ZNF804A: variants seen among roughly 807,000 people sequenced by gnomAD.
ZNF804A encodes the protein zinc finger protein 804A.
In ZNF804A, 2 loss-of-function variants were observed where a neutral mutation model predicts 16.5. The ratio of observed to expected loss-of-function variants is 0.12; its 90% CI spans 0.05 to 0.38. The LOEUF (loss-of-function observed/expected upper bound fraction) is 0.38, where lower values mean the gene tolerates loss of function less well. ZNF804A is among the 10% of genes least tolerant of loss of function. The pLI, the probability that ZNF804A is intolerant of heterozygous loss-of-function variation, is 0.99. For missense variants in ZNF804A, 1,473 were observed against 1,390.7 expected (o/e 1.06, Z -0.94); for synonymous variants, 534 against 489.6 (o/e 1.09, Z -1.20).
At chr2:184,653,822 C>T (rs1325558795) in intron 1 of ZNF804A, among the ~76,000 whole-genome samples, 1 of 152,192 alleles carries the variant, frequency 6.6e-6, no homozygotes, top group African/African-American at 2.4e-5. Flanking sequence ...TGTCCATGCC[C>T]ATTGGCCCCA....
chr2:184,762,968 A>G lies in ZNF804A; in HGVS notation c.112-103401A>G, dbSNP rs181960582. On this transcript the variant is annotated intron_variant, in intron 1 of 3. Transcript: ENST00000302277. ...AGTCTTAAAGCTTTTGGCCTCTTTT[A>G]AATCACAAATGTTATTTCTAGCCAT... is the stretch of plus-strand genomic sequence containing the variant. Among the ~76,000 whole-genome samples, 7 of 152,328 alleles carry G rather than the reference A, an allele frequency of 4.6e-5. No individual in the cohort carries two copies. In the East Asian group the frequency reaches 1.4e-3, roughly 29 times the overall value.
At chr2:184,842,237 A>T (rs1358113053) in intron 1 of ZNF804A, among the ~76,000 whole-genome samples, 7 of 152,148 alleles carry the variant, frequency 4.6e-5, no homozygotes. Flanking sequence ...TCCCATTTGG[A>T]GTTCAAGACA....
At chr2:184,929,932 G>T (rs1293424319) in intron 2 of ZNF804A, among the ~76,000 whole-genome samples, 1 of 152,024 alleles carries the variant, frequency 6.6e-6, no homozygotes, top group Non-Finnish European at 1.5e-5. Flanking sequence ...TTCACACATG[G>T]CACTGTAAGA....
At chr2:184,678,028 G>C (rs1692468549) in intron 1 of ZNF804A, among the ~76,000 whole-genome samples, 1 of 151,792 alleles carries the variant, frequency 6.6e-6, no homozygotes, top group South Asian at 2.1e-4. Flanking sequence ...TGAAGATCTG[G>C]ATATTTATTT....
intron 1 of ZNF804A, among the ~76,000 whole-genome samples, chr2:184,829,860 G>A (rs1451778059): frequency 1.6e-5 from 2 of 123,360 alleles, no homozygotes; most frequent in Admixed American, 2.2e-4. Flanking sequence ...CCAGGAGTTC[G>A]AGATCAACCA....
At chr2:184,903,805 C>T (rs533291627) in intron 2 of ZNF804A, among the ~76,000 whole-genome samples, 17 of 152,178 alleles carry the variant, frequency 1.1e-4, no homozygotes, top group African/African-American at 4.1e-4. Flanking sequence ...GTAGCCACCA[C>T]GATTTATGCT....
At chr2:184,792,770 C>CTT (rs543811861) in intron 1 of ZNF804A, among the ~76,000 whole-genome samples, 230 of 151,056 alleles carry the variant, frequency 1.5e-3, no homozygotes, top group African/African-American at 5.2e-3. Context: ...AGGAGTTTTT[C>CTT]TTTTTTTTTC....
chr2:184,677,753 T>C (rs766941390), intron 1 of ZNF804A, among the ~76,000 whole-genome samples: 2 of 152,164 alleles, frequency 1.3e-5, no homozygotes, highest in Non-Finnish European at 1.5e-5. Context: ...AGAAAGCACA[T>C]TGCAGTGGGA....
At chr2:184,852,810 T>C (rs768094150) in intron 1 of ZNF804A, among the ~76,000 whole-genome samples, 15 of 148,224 alleles carry the variant, frequency 1.0e-4, no homozygotes, top group Non-Finnish European at 2.0e-4. Context: ...GGTCTATGTG[T>C]CTTTTATAAT....
At chr2:184,918,492 A>T (rs1347664755) in intron 2 of ZNF804A, among the ~76,000 whole-genome samples, 1 of 152,172 alleles carries the variant, frequency 6.6e-6, no homozygotes, top group East Asian at 1.9e-4. Context: ...TAAGGAAAAC[A>T]TCATCATATA....
chr2:184,831,632 T>G (rs1695263295), intron 1 of ZNF804A, among the ~76,000 whole-genome samples: 1 of 151,938 alleles, frequency 6.6e-6, no homozygotes, highest in Non-Finnish European at 1.5e-5. Context: ...GCTATGTATA[T>G]TTAGATTTAG....
intron 1 of ZNF804A, among the ~76,000 whole-genome samples, chr2:184,791,599 A>G (rs897881642): frequency 6.6e-6 from 1 of 151,976 alleles, no homozygotes; most frequent in Non-Finnish European, 1.5e-5. Context: ...TATATCCCCT[A>G]CTTCCCCCAA....
In ZNF804A at chr2:184,771,585, C is replaced by A. The variant is rs563904647; in HGVS notation, c.112-94784C>A. ...AATATAGCGAGACCCCAGCTCTATA[C>A]AAAATTTTAAAATAAAAAAAAAAAA... On this transcript the variant is annotated intron_variant, in intron 1 of 3. Coordinates refer to ENST00000302277, the MANE Select transcript of ZNF804A (RefSeq NM_194250.2). 6.0e-5 allele frequency among the ~76,000 whole-genome samples: 9 copies of A among 150,302 alleles called. No homozygotes were observed. The South Asian group carries it at 1.9e-3, about 32-fold the overall frequency.
At position 184,685,877 on chromosome 2, in the gene ZNF804A, A is replaced by G. The variant is rs890813835; in HGVS notation, c.111+86807A>G. Among the ~76,000 whole-genome samples the G allele has an allele frequency of 2.0e-5, 3 of 152,126 alleles. No homozygotes were observed. In the East Asian group the frequency reaches 5.8e-4, roughly 29 times the overall value. On this transcript the variant is annotated intron_variant, in intron 1 of 3. Coordinates refer to ENST00000302277, the MANE Select transcript of ZNF804A (RefSeq NM_194250.2). ...CCTCCACCATCAACATCCAGTCCTTAGCGCCCAGGCTGTTCATGCCAAGGG... is the reference window on the plus strand; with the variant it reads ...CCTCCACCATCAACATCCAGTCCTTGGCGCCCAGGCTGTTCATGCCAAGGG...
intron 1 of ZNF804A, among the ~76,000 whole-genome samples, chr2:184,639,307 C>T (rs1031544069): frequency 6.6e-6 from 1 of 151,876 alleles, no homozygotes; most frequent in African/African-American, 2.4e-5. Flanking sequence ...CTCCTGACCT[C>T]AGGTGATCCA....
At chr2:184,726,923 G>T (rs912402991) in intron 1 of ZNF804A, among the ~76,000 whole-genome samples, 13 of 151,650 alleles carry the variant, frequency 8.6e-5, no homozygotes, top group African/African-American at 3.1e-4. Context: ...TATAATGCAT[G>T]TTAATACAGC....
chr2:184,655,810 C>G (rs779384988), intron 1 of ZNF804A, among the ~76,000 whole-genome samples: 5 of 151,174 alleles, frequency 3.3e-5, no homozygotes, highest in Non-Finnish European at 7.4e-5. Context: ...TAACAATTAC[C>G]ATAAAAAAGA....
At chr2:184,812,564 A>G (rs1332191640) in intron 1 of ZNF804A, among the ~76,000 whole-genome samples, 1 of 152,200 alleles carries the variant, frequency 6.6e-6, no homozygotes, top group Non-Finnish European at 1.5e-5. Context: ...ATGAAAGTAC[A>G]TAGGCAGTGG....
chr2:184,655,501 T>C (rs757402243), intron 1 of ZNF804A, among the ~76,000 whole-genome samples: 1 of 152,230 alleles, frequency 6.6e-6, no homozygotes, highest in Non-Finnish European at 1.5e-5. Flanking sequence ...CCTAGGAAGT[T>C]TGTTGCATTT....
Sources: allele counts gnomAD v4.1 joint callset (sites outside exome capture counted in the v4.1 genomes callset), GRCh38; gene constraint gnomAD v4.1.1; transcripts MANE v1.5; gene names NCBI Gene and HGNC (gene_info 2026-07-23, HGNC 2026-07-21).